Variants in ZBBX observed in about 807,000 individuals in gnomAD.
The protein encoded by ZBBX is zinc finger B-box domain containing.
A neutral mutation model predicts 108.5 loss-of-function variants in ZBBX; 101 were observed. The ratio of observed to expected loss-of-function variants is 0.93; its 90% CI spans 0.79 to 1.10. ZBBX has a LOEUF of 1.10. Ranked by LOEUF, ZBBX falls within the 50% of genes least tolerant of loss-of-function variation. The probability of loss-of-function intolerance (pLI) is 0.00; values close to 1 mark genes in which losing one functional copy is unlikely to be tolerated. For synonymous variants in ZBBX, 356 were observed against 323.4 expected, an observed-to-expected ratio of 1.10 and a Z score of -1.08; for missense variants, 1,009 against 941.4, an observed-to-expected ratio of 1.07 and a Z score of -0.94.
At chr3:167,224,407 G>A in the ZBBX span, among the ~76,000 whole-genome samples, 1 of 151,712 alleles carries the variant, frequency 6.6e-6, no homozygotes, top group Admixed American at 6.6e-5. Flanking sequence ...GTCACTATAC[G>A]GTGACTATAG....
the ZBBX span, among the ~76,000 whole-genome samples, chr3:167,192,866 A>G: frequency 6.6e-5 from 10 of 152,144 alleles, no homozygotes; most frequent in African/African-American, 2.2e-4. Context: ...AAATGTTTGA[A>G]TTACTTTTCT....
In ZBBX at chr3:167,372,923, T is replaced by C. The variant is rs1288025629; in HGVS notation, c.-22A>G. On this transcript the variant is annotated 5_prime_UTR_variant, in exon 4 of 22. An upstream open reading frame in the 5' UTR loses its in-frame stop. Coordinates refer to ENST00000675490, the MANE Select transcript of ZBBX (RefSeq NM_001199201.2). ...TCATGATTACCACCTTAATATTGTC[T>C]AAAAGTTATTCTGATTTGTAAACAC... The C allele has an allele frequency of 1.9e-6, 3 of 1,559,812 alleles. No homozygotes were observed. The Admixed American group carries it at 6.1e-5, about 32-fold the overall frequency.
rs189231870 is a variant in ZBBX at position 167,379,029 on chromosome 3, C to T, written c.-132+609G>A. 5.3e-5 allele frequency among the ~76,000 whole-genome samples: 8 copies of T among 152,202 alleles called. No individual in the cohort carries two copies. In the East Asian group the frequency reaches 1.5e-3, roughly 29 times the overall value. ...TGAAACCCCAGCAATCAATACAGTC[C>T]CTATACATAATGTAGTGCCAATAAT... On this transcript the variant is annotated intron_variant, in intron 2 of 21. Coordinates refer to ENST00000675490, the MANE Select transcript of ZBBX (RefSeq NM_001199201.2).
intron 20 of ZBBX, among the ~76,000 whole-genome samples, chr3:167,259,167 C>T (rs186973032): frequency 1.3e-5 from 2 of 152,174 alleles, no homozygotes; most frequent in East Asian, 3.9e-4. Flanking sequence ...TTGATCTGTT[C>T]AGGGTATCTA....
Position 167,257,162 on chromosome 3 carries a change from T to G in ZBBX, c.2255-14519A>C, listed in dbSNP as rs1723673526. The stretch of plus-strand genomic sequence containing the variant: ...TATTGCCTGTCTTTTGTATAAAAAT[T>G]TTATTTGTGGCTATTACAAATGGAA... On this transcript the variant is annotated intron_variant, in intron 20 of 21. Coordinates refer to ENST00000675490, the MANE Select transcript of ZBBX (RefSeq NM_001199201.2). 3.9e-5 allele frequency among the ~76,000 whole-genome samples: 6 copies of G among 152,150 alleles called. No individual in the cohort carries two copies. In the South Asian group the frequency reaches 1.2e-3, roughly 31 times the overall value.
intron 16 of ZBBX, among the ~76,000 whole-genome samples, chr3:167,306,430 G>C (rs1305022446): frequency 2.0e-5 from 3 of 152,302 alleles, no homozygotes; most frequent in African/African-American, 7.2e-5. Flanking sequence ...AAAATGTGTA[G>C]CAGGGACACC....
At chr3:167,203,052 C>A in the ZBBX span, among the ~76,000 whole-genome samples, 1 of 151,974 alleles carries the variant, frequency 6.6e-6, no homozygotes, top group Admixed American at 6.6e-5. Context: ...AAGCATGATG[C>A]CAATTATATT....
At chr3:167,292,977 A>G (rs1189923825) in intron 18 of ZBBX, among the ~76,000 whole-genome samples, 1 of 152,218 alleles carries the variant, frequency 6.6e-6, no homozygotes, top group Non-Finnish European at 1.5e-5. Flanking sequence ...CTGGACACAT[A>G]CACCCTCCCA....
intron 20 of ZBBX, among the ~76,000 whole-genome samples, chr3:167,275,748 C>T (rs1198928030): frequency 6.6e-6 from 1 of 152,176 alleles, no homozygotes; most frequent in Non-Finnish European, 1.5e-5. Flanking sequence ...ACAAAGCAGC[C>T]CAGAAGCTCG....
chr3:167,303,866 T>C (rs1175404287), intron 17 of ZBBX, among the ~76,000 whole-genome samples: 3 of 152,182 alleles, frequency 2.0e-5, no homozygotes, highest in Admixed American at 2.0e-4. Context: ...TTTTTATTTA[T>C]ATTGTTCAGG....
chr3:167,405,138 G>A (rs1431201861), intron 1 of ZBBX, among the ~76,000 whole-genome samples: 1 of 152,148 alleles, frequency 6.6e-6, no homozygotes, highest in Non-Finnish European at 1.5e-5. Context: ...CTCTCTTTTG[G>A]ACACTTTTGA....
intron 1 of ZBBX, among the ~76,000 whole-genome samples, chr3:167,396,064 T>C (rs1748227575): frequency 6.6e-6 from 1 of 152,006 alleles, no homozygotes; most frequent in Admixed American, 6.6e-5. Flanking sequence ...AATTCATTGT[T>C]TTCCTGGCAA....
chr3:167,331,498 G>A, intron 10 of ZBBX: 1 of 930,674 alleles, frequency 1.1e-6, no homozygotes. Context: ...CTCCAGGGAA[G>A]CTTCCTTCCA....
chr3:167,275,214 T>C (rs1036337462), intron 20 of ZBBX, among the ~76,000 whole-genome samples: 1 of 152,158 alleles, frequency 6.6e-6, no homozygotes, highest in African/African-American at 2.4e-5. Context: ...TAAATATATA[T>C]TCTTCTATGT....
chr3:167,249,405 G>A (rs879000634), intron 20 of ZBBX, among the ~76,000 whole-genome samples: 4 of 152,076 alleles, frequency 2.6e-5, no homozygotes, highest in African/African-American at 9.7e-5. Flanking sequence ...AGTCCCAGGG[G>A]CAACCCCAGC....
rs61671930 is a variant in ZBBX, at chr3:167,397,142, T to TAAAAAAAAAAAAAAA, written c.-446+10569_-446+10583dup. Among the ~76,000 whole-genome samples, 51 of 72,408 alleles carry TAAAAAAAAAAAAAAA rather than the reference T, an allele frequency of 7.0e-4. 2 individuals carry two copies. The highest frequency in any genetic ancestry group is 2.2e-3 in the African/African-American group (42 of 18,708). 47.5% of individuals were successfully genotyped at this position (72,408 alleles called of 152,430 possible). A position where few individuals can be genotyped will look rare whatever the true frequency, so the allele number is the denominator to read the frequency against. On this transcript the variant is annotated intron_variant, in intron 1 of 21. Coordinates refer to the ZBBX transcript ENST00000455345. Reference sequence around the variant, plus strand: ...GTCGTGAAGAAGAGGTTCTTGGTGGTAAAAAAAAAAAAAAAAAAAAAAAAT... The same window carrying TAAAAAAAAAAAAAAA: ...GTCGTGAAGAAGAGGTTCTTGGTGGTAAAAAAAAAAAAAAAAAAAAAAAAAAAAAAAAAAAAAAAT...
At chr3:167,240,987 G>T in intron 21 of ZBBX, 68 bp from the exon 22 acceptor site, 1 of 1,563,610 alleles carries the variant, frequency 6.4e-7, no homozygotes, top group African/African-American at 1.4e-5. Flanking sequence ...TTTATCTTCT[G>T]ATCAATACTA....
chr3:167,400,687 G>A (rs1013964215), intron 1 of ZBBX, among the ~76,000 whole-genome samples: 1 of 152,036 alleles, frequency 6.6e-6, no homozygotes, highest in Non-Finnish European at 1.5e-5. Context: ...AGCCTCAGGA[G>A]GTCCTGACGA....
At chr3:167,196,593 T>C in the ZBBX span, among the ~76,000 whole-genome samples, 3 of 152,302 alleles carry the variant, frequency 2.0e-5, no homozygotes, top group East Asian at 5.8e-4. Flanking sequence ...AGCCCAGACT[T>C]ATCAACTGTT....
Sources: gnomAD v4.1 joint callset for allele counts (sites outside exome capture counted in the v4.1 genomes callset) on GRCh38, gnomAD v4.1.1 for gene constraint, MANE v1.5 for transcripts, NCBI Gene and HGNC (gene_info 2026-07-23, HGNC 2026-07-21) for gene names.